ATAD3C: variants seen among roughly 807,000 people sequenced by gnomAD.
ATAD3C encodes ATPase family AAA domain containing 3C, also known as ATPase family AAA domain-containing protein 3C.
Under a neutral mutation model 46.3 loss-of-function variants are expected in ATAD3C, and 38 were observed. The ratio of observed to expected loss-of-function variants is 0.82; its 90% CI spans 0.63 to 1.08. The LOEUF (loss-of-function observed/expected upper bound fraction) is 1.08. ATAD3C is among the 50% of genes least tolerant of loss of function. ATAD3C has a pLI of 0.00. For synonymous variants in ATAD3C, 220 were observed against 236.4 expected (o/e 0.93, Z 0.63); for missense variants, 563 against 572.7 (o/e 0.98, Z 0.17).
intron 11 of ATAD3C, among the ~76,000 whole-genome samples, chr1:1,467,211 G>A (rs1557782515): frequency 6.6e-6 from 1 of 152,190 alleles, no homozygotes; most frequent in East Asian, 1.9e-4. Flanking sequence ...CTGGAGGGGT[G>A]GCTCCGTGAG....
At chr1:1,461,905 C>T (rs1007168615) in intron 10 of ATAD3C, among the ~76,000 whole-genome samples, 2 of 152,058 alleles carry the variant, frequency 1.3e-5, no homozygotes, top group African/African-American at 4.8e-5. Flanking sequence ...CTGTCAGGCT[C>T]CCTGTTGCTG....
Position 1,454,461 on chromosome 1 carries a change from C to A in ATAD3C, c.339C>A (p.Ser113=). 1 of 1,609,928 alleles carries A rather than the reference C, an allele frequency of 6.2e-7. No homozygotes were observed. The highest frequency in any genetic ancestry group is 2.2e-5 in the East Asian group (1 of 44,790). ...AGCCGTCCCTAGTGAGGGAGACGTC[C>A]CGCATCACGGTGCTTGAGGCGCTGC... is the stretch of plus-strand genomic sequence containing the variant. The part of the protein sequence containing the change: ...LGKPSLVRET[S]RITVLEALRH... The change falls in exon 4 of 12, where the codon TCC becomes TCA. Residue 113 remains serine (S), a synonymous_variant. Transcript: ENST00000378785.
At chr1:1,463,275 G>A (rs781154281) in intron 11 of ATAD3C, among the ~76,000 whole-genome samples, 2 of 152,086 alleles carry the variant, frequency 1.3e-5, no homozygotes, top group Admixed American at 6.6e-5. Flanking sequence ...CATCCAGAAA[G>A]CTTTGGTCTT....
chr1:1,462,478 A>G lies in ATAD3C; in HGVS notation c.981-122A>G, dbSNP rs1428359079. 2 of 1,035,980 alleles carry G rather than the reference A, an allele frequency of 1.9e-6. No individual in the cohort carries two copies. Among genetic ancestry groups the G allele is most frequent in the African/African-American group, 3.2e-5 (2 of 62,746 alleles). The allele number at this position is 1,035,980 out of a possible 1,614,324, so 64.2% of individuals were successfully genotyped here. On this transcript the variant is annotated intron_variant, in intron 10 of 11. Transcript: ENST00000378785. The surrounding 1 kb of genome is among the most constrained non-coding windows in gnomAD (Gnocchi z 4.5). ...GGGGCGGAACTTGGCTGTCACAGGTAGAGAGTCCCTCTCAAGGGGGCATCT... is the reference window on the plus strand; with the variant it reads ...GGGGCGGAACTTGGCTGTCACAGGTGGAGAGTCCCTCTCAAGGGGGCATCT...
At chr1:1,456,035 G>A (rs1431920246) in intron 6 of ATAD3C, 119 bp downstream of exon 6, 255 of 1,528,038 alleles carry the variant, frequency 1.7e-4, no homozygotes, top group South Asian at 5.2e-4. Context: ...GCCCACCCTC[G>A]TGTAGGCTCA....
chr1:1,468,309 C>A, intron 11 of ATAD3C, 75 bp from the exon 12 acceptor site: 1 of 1,536,054 alleles, frequency 6.5e-7, no homozygotes, highest in Non-Finnish European at 8.7e-7. Flanking sequence ...TCCCTCCCCA[C>A]CTCAGGGCCC....
chr1:1,455,309 T>C, intron 4 of ATAD3C, 151 bp from the exon 5 acceptor site: 1 of 1,063,248 alleles, frequency 9.4e-7, no homozygotes, highest in Non-Finnish European at 1.3e-6. Context: ...AGACACCCAG[T>C]CTCCCGGCGG....
At position 1,469,090 on chromosome 1, in the gene ATAD3C, C is replaced by T. The variant is rs2100495300; in HGVS notation, c.*560C>T. 1 of 100,766 alleles carries T rather than the reference C, an allele frequency of 9.9e-6. No individual in the cohort carries two copies. The highest frequency in any genetic ancestry group is 1.8e-5 in the Non-Finnish European group (1 of 56,902). The allele number at this position is 100,766 out of a possible 1,614,324, so 6.2% of individuals were successfully genotyped here. The stretch of plus-strand genomic sequence containing the variant: ...CAGCCTGGCCAACATGGTGAAACTC[C>T]ATCTCTCCTAAAAAAAAAAAAAAAA... On this transcript the variant is annotated 3_prime_UTR_variant, in exon 12 of 12. Transcript: ENST00000378785.
chr1:1,458,497 C>T (rs531174813), intron 8 of ATAD3C, among the ~76,000 whole-genome samples: 1 of 151,746 alleles, frequency 6.6e-6, no homozygotes, highest in Admixed American at 6.6e-5. Flanking sequence ...TCAGGCTAGT[C>T]CCGAACTCCC....
chr1:1,457,292 T>G (rs1638979670), intron 8 of ATAD3C, 112 bp downstream of exon 8: 2 of 1,554,380 alleles, frequency 1.3e-6, no homozygotes, highest in Non-Finnish European at 1.8e-6. Flanking sequence ...CTAAGTTTTG[T>G]GTGAAAAACA....
intron 11 of ATAD3C, among the ~76,000 whole-genome samples, chr1:1,467,270 A>G (rs1455502788): frequency 3.9e-5 from 6 of 151,940 alleles, no homozygotes; most frequent in Non-Finnish European, 7.4e-5. Flanking sequence ...AGGTGCAGCC[A>G]CTCGGGTGGA....
intron 3 of ATAD3C, 51 bp from the exon 4 acceptor site, chr1:1,454,294 G>A (rs1272577117): frequency 3.3e-5 from 52 of 1,563,336 alleles, no homozygotes; most frequent in Middle Eastern, 2.3e-4. Flanking sequence ...TCCTGCTCTA[G>A]GAGGGAGGGA....
chr1:1,461,936 G>C (rs577141790), intron 10 of ATAD3C, among the ~76,000 whole-genome samples: 1 of 152,052 alleles, frequency 6.6e-6, no homozygotes, highest in Non-Finnish European at 1.5e-5. Flanking sequence ...CAGCAGGCAC[G>C]GTGGGCAGAG....
Position 1,462,855 on chromosome 1 carries a change from C to T in ATAD3C, c.1089+147C>T. On this transcript the variant is annotated intron_variant, in intron 11 of 11. Coordinates refer to ENST00000378785, the MANE Select transcript of ATAD3C (RefSeq NM_001039211.3). This position sits in a 1 kb window ranked among gnomAD's most constrained non-coding sequence, Gnocchi z 4.5. ...GCACAGATGTGACACGGGGCCCCTG[C>T]CCCAGTTGGGCCACTCCACGCAGCA... 1 of 1,022,790 alleles carries T rather than the reference C, an allele frequency of 9.8e-7. No homozygotes were observed. The highest frequency in any genetic ancestry group is 1.6e-5 in the South Asian group (1 of 63,412). 63.4% of individuals were successfully genotyped at this position (1,022,790 alleles called of 1,614,324 possible). A position where few individuals can be genotyped will look rare whatever the true frequency, so the allele number is the denominator to read the frequency against.
chr1:1,462,508 TG>T lies in ATAD3C; in HGVS notation c.981-89del. 7.7e-7 allele frequency: 1 copy of T among 1,303,888 alleles called. No homozygotes were observed. The highest frequency in any genetic ancestry group is 1.1e-6 in the Non-Finnish European group (1 of 927,380). The allele number at this position is 1,303,888 out of a possible 1,614,324, so 80.8% of individuals were successfully genotyped here. A position where few individuals can be genotyped will look rare whatever the true frequency, so the allele number is the denominator to read the frequency against. ...GTCCCTCTCAAGGGGGCATCTGGCATGGGTGTCCGCCTGGCTGCCTGTCTTC... is the reference window on the plus strand; with the variant it reads ...GTCCCTCTCAAGGGGGCATCTGGCATGGTGTCCGCCTGGCTGCCTGTCTTC... On this transcript the variant is annotated intron_variant, in intron 10 of 11. Transcript: ENST00000378785. This position sits in a 1 kb window ranked among gnomAD's most constrained non-coding sequence, Gnocchi z 4.5.
chr1:1,465,447 C>G (rs1379808818), intron 11 of ATAD3C, among the ~76,000 whole-genome samples: 1 of 150,936 alleles, frequency 6.6e-6, no homozygotes, highest in Non-Finnish European at 1.5e-5. Flanking sequence ...AAAAATTAGC[C>G]GGGCGTGGCG....
rs146537972 is a variant in ATAD3C at position 1,468,434 on chromosome 1, C to T, written c.1140C>T (p.Asp380=). ...GGGTCCTGACCGAGGCCATGATGGA[C>T]GCCTGCGTGCAAGACTTTGTCCAGC... is the stretch of plus-strand genomic sequence containing the variant. The part of the protein sequence containing the change: ...KDGVLTEAMM[D]ACVQDFVQQH... Residue 380 remains aspartate (D), a synonymous_variant, in exon 12 of 12, where the codon GAC becomes GAT. Transcript: ENST00000378785. The T allele has an allele frequency of 0.042, 67,058 of 1,612,676 alleles. 2,886 individuals carry two copies. Among genetic ancestry groups the T allele is most frequent in the East Asian group, 0.16 (7,093 of 44,800 alleles).
intron 4 of ATAD3C, among the ~76,000 whole-genome samples, chr1:1,455,089 C>T (rs574653551): frequency 5.3e-5 from 8 of 151,438 alleles, no homozygotes; most frequent in Admixed American, 3.3e-4. Context: ...TGGTGGCGGG[C>T]GCCTGTAGTC....
In ATAD3C at chr1:1,469,933, T is replaced by C. The variant is rs1411677370; in HGVS notation, c.*1403T>C. On this transcript the variant is annotated 3_prime_UTR_variant, in exon 12 of 12. Coordinates refer to ENST00000378785, the MANE Select transcript of ATAD3C (RefSeq NM_001039211.3). The stretch of plus-strand genomic sequence containing the variant: ...TTTCTGCCCCACCCTAGCTGATCAA[T>C]GTACTTTGCAATCTCCCCCACCCTT... 4 of 151,912 alleles carry C rather than the reference T, an allele frequency of 2.6e-5. No individual in the cohort carries two copies. Among genetic ancestry groups the C allele is most frequent in the African/African-American group, 9.7e-5 (4 of 41,364 alleles). 9.4% of individuals were successfully genotyped at this position (151,912 alleles called of 1,614,324 possible).
Sources: gnomAD v4.1 joint callset for allele counts (sites outside exome capture counted in the v4.1 genomes callset) on GRCh38, gnomAD v4.1.1 for gene constraint, Gnocchi (gnomAD v3.1) non-coding constraint, MANE v1.5 for transcripts, NCBI Gene and HGNC (gene_info 2026-07-23, HGNC 2026-07-21) for gene names.